The following CDK13 variants were observed in gnomAD, a reference collection of about 807,000 sequenced individuals.
CDK13 encodes cyclin-dependent kinase 13.
In CDK13, 40 loss-of-function variants were observed where a neutral mutation model predicts 137.6. The ratio of observed to expected loss-of-function variants is 0.29; its 90% confidence interval spans 0.23 to 0.38. CDK13 has a LOEUF of 0.38. Ranked by LOEUF, CDK13 falls within the 10% of genes least tolerant of loss-of-function variation. The pLI is 1.00. For synonymous variants in CDK13, 869 were observed against 760.1 expected (o/e 1.14, Z -2.36); for missense variants, 1,704 against 1,951.8 (o/e 0.87, Z 2.39).
At chr7:39,992,680 C>G (rs900298442) in intron 2 of CDK13, among the ~76,000 whole-genome samples, 2 of 151,918 alleles carry the variant, frequency 1.3e-5, no homozygotes, top group African/African-American at 4.8e-5. Context: ...CCCCTACCCC[C>G]TGCCCCCAGC....
chr7:40,094,567 T>C lies in CDK13; in HGVS notation c.4126T>C (p.Ser1376Pro), dbSNP rs1311416105. Residue 1376 changes from serine to proline, a missense_variant, in exon 14 of 14, where the codon TCT becomes CCT. By Grantham distance (74) the Ser-to-Pro change is moderately conservative. Transcript: ENST00000181839. ...TTTCATTGGAAATTCAGATATTCAG[T>C]CTTTGGATAACTACAGTACTGCTTC... ...RSFIGNSDIQ[S>P]LDNYSTASSH... 3 of 1,612,092 alleles carry C rather than the reference T, an allele frequency of 1.9e-6. No homozygotes were observed. The highest frequency in any genetic ancestry group is 1.7e-5 in the Admixed American group (1 of 59,826).
intron 5 of CDK13, among the ~76,000 whole-genome samples, chr7:40,022,174 G>T (rs1230088083): frequency 1.3e-5 from 2 of 152,128 alleles, no homozygotes; most frequent in African/African-American, 4.8e-5. Context: ...CCTCTTTTTG[G>T]TGTAAACACC....
intron 5 of CDK13, among the ~76,000 whole-genome samples, chr7:40,010,725 C>T (rs1374406495): frequency 1.3e-5 from 2 of 152,140 alleles, no homozygotes; most frequent in South Asian, 2.1e-4. Context: ...ACCTGCCACT[C>T]ATCTGCTGTG....
At chr7:39,956,030 G>A (rs1284149811) in intron 1 of CDK13, among the ~76,000 whole-genome samples, 1 of 151,820 alleles carries the variant, frequency 6.6e-6, no homozygotes, top group Admixed American at 6.6e-5. Flanking sequence ...CCTCTGTAAT[G>A]GATTATTTAG....
intron 7 of CDK13, 73 bp downstream of exon 7, chr7:40,047,950 TGATA>T (rs1301125091): frequency 2.2e-6 from 2 of 918,538 alleles, no homozygotes; most frequent in East Asian, 4.8e-5. Flanking sequence ...AATACCTTAT[TGATA>T]GTTTTATTTT....
Position 40,094,302 on chromosome 7 carries a change from C to T in CDK13, c.3861C>T (p.Thr1287=). ...CAGAAAACCAGCATGTACCCACCAC[C>T]AGTTCTTCATTAACTGACCCTCATG... ...YRTENQHVPT[T]SSSLTDPHAG... The change falls in exon 14 of 14, where the codon ACC becomes ACT. Residue 1287 remains threonine, a synonymous_variant. Transcript: ENST00000181839. 1 of 1,613,050 alleles carries T rather than the reference C, an allele frequency of 6.2e-7. No homozygotes were observed. The highest frequency in any genetic ancestry group is 8.5e-7 in the Non-Finnish European group (1 of 1,179,528).
At chr7:40,018,795 C>T (rs772981221) in intron 5 of CDK13, among the ~76,000 whole-genome samples, 8 of 152,000 alleles carry the variant, frequency 5.3e-5, no homozygotes, top group South Asian at 2.1e-4. Context: ...GTACACTACT[C>T]GGGTGACAGG....
chr7:40,002,195 C>T (rs972648004), intron 5 of CDK13, 164 bp downstream of exon 5: 2 of 497,006 alleles, frequency 4.0e-6, no homozygotes, highest in Admixed American at 7.6e-5. Context: ...AATTGATTTA[C>T]TTTAGTGGTT....
At chr7:40,054,873 T>C (rs565877728) in intron 7 of CDK13, among the ~76,000 whole-genome samples, 2 of 152,124 alleles carry the variant, frequency 1.3e-5, no homozygotes, top group Non-Finnish European at 2.9e-5. Context: ...TTAATGAGAT[T>C]TACAAATGAA....
chr7:40,049,564 A>G (rs1041193267), intron 7 of CDK13, among the ~76,000 whole-genome samples: 1 of 152,208 alleles, frequency 6.6e-6, no homozygotes, highest in African/African-American at 2.4e-5. Flanking sequence ...TGAGCTAATT[A>G]CTATGCATTA....
intron 1 of CDK13, among the ~76,000 whole-genome samples, chr7:39,977,412 T>C (rs983319282): frequency 7.2e-5 from 11 of 152,338 alleles, no homozygotes; most frequent in Non-Finnish European, 1.5e-4. Flanking sequence ...GAGGATAGAA[T>C]ATCTCAGTTT....
At chr7:40,050,235 A>G (rs1386703039) in intron 7 of CDK13, among the ~76,000 whole-genome samples, 1 of 152,166 alleles carries the variant, frequency 6.6e-6, no homozygotes, top group Non-Finnish European at 1.5e-5. Flanking sequence ...AGCAGAGCCA[A>G]GGGTGTATAG....
intron 5 of CDK13, among the ~76,000 whole-genome samples, chr7:40,019,785 C>T (rs963663181): frequency 1.3e-5 from 2 of 152,042 alleles, no homozygotes; most frequent in Non-Finnish European, 2.9e-5. Flanking sequence ...ACTTTTAAAC[C>T]GTATGGGAAT....
intron 3 of CDK13, 64 bp from the exon 4 acceptor site, chr7:39,999,292 ATTGAG>A: frequency 1.5e-6 from 2 of 1,302,794 alleles, no homozygotes; most frequent in East Asian, 2.4e-5. Flanking sequence ...GCGAGTAGAT[ATTGAG>A]TTATTAGACA....
intron 7 of CDK13, among the ~76,000 whole-genome samples, chr7:40,055,652 C>T (rs1202777719): frequency 6.9e-6 from 1 of 144,242 alleles, no homozygotes; most frequent in Non-Finnish European, 1.5e-5. Context: ...CATCTAGGTT[C>T]ACTGCAACCT....
At chr7:39,969,604 CTT>C (rs1250373964) in intron 1 of CDK13, among the ~76,000 whole-genome samples, 3 of 152,194 alleles carry the variant, frequency 2.0e-5, no homozygotes, top group African/African-American at 7.2e-5. Context: ...TTCAAAATGT[CTT>C]TGCCATTTGC....
At chr7:40,044,971 A>G (rs1010769520) in intron 5 of CDK13, among the ~76,000 whole-genome samples, 2 of 152,122 alleles carry the variant, frequency 1.3e-5, no homozygotes, top group African/African-American at 4.8e-5. Context: ...AGCCTTTCCT[A>G]TTAAATATGA....
chr7:39,999,357 A>T lies in CDK13; in HGVS notation c.2043-4A>T. 1 of 1,602,720 alleles carries T rather than the reference A, an allele frequency of 6.2e-7. No individual in the cohort carries two copies. Among genetic ancestry groups the T allele is most frequent in the Non-Finnish European group, 8.5e-7 (1 of 1,175,918 alleles). ...TATAAAAACTTTAGAACTATATTTG[A>T]TAGAATATGTGGGCCTCGCTATGGT... On this transcript the variant is annotated splice_polypyrimidine_tract_variant and splice_region_variant and intron_variant, in intron 3 of 13. Transcript: ENST00000181839.
intron 1 of CDK13, among the ~76,000 whole-genome samples, chr7:39,957,046 A>G (rs764267283): frequency 6.6e-6 from 1 of 151,446 alleles, no homozygotes; most frequent in African/African-American, 2.4e-5. Context: ...TTTGCTCTTC[A>G]TCTCCAGCTT....
Sources: gnomAD v4.1 joint callset for allele counts (sites outside exome capture counted in the v4.1 genomes callset) on GRCh38, gnomAD v4.1.1 for gene constraint, MANE v1.5 for transcripts, NCBI Gene and HGNC (gene_info 2026-07-23, HGNC 2026-07-21) for gene names.